Variants in CASK observed in about 807,000 individuals in gnomAD.
The protein encoded by CASK is peripheral plasma membrane protein CASK.
Under a neutral mutation model 82.9 loss-of-function variants are expected in CASK, and 4 were observed. The observed-to-expected ratio is 0.05, with a 90% CI of 0.02 to 0.11. The LOEUF is 0.11. Among genes scored for constraint, CASK ranks in the 10% least tolerant of loss-of-function variants. The probability of loss-of-function intolerance (pLI) is 1.00; values close to 1 mark genes in which losing one functional copy is unlikely to be tolerated. For missense variants in CASK, 358 were observed against 720.9 expected (o/e 0.50, Z 5.76); for synonymous variants, 259 against 253.5 (o/e 1.02, Z -0.20).
intron 2 of CASK, chrX:41,790,300 C>G: frequency 4.2e-6 from 2 of 473,976 alleles, no homozygotes; most frequent in Non-Finnish European, 6.1e-6. Flanking sequence ...CTCCTGACCT[C>G]AAGTGATCCA....
At chrX:41,694,657 T>C (rs2067643445) in intron 5 of CASK, among the ~76,000 whole-genome samples, 1 of 111,882 alleles carries the variant, frequency 8.9e-6, no homozygotes, top group Non-Finnish European at 1.9e-5. Flanking sequence ...GCTTCTAGGT[T>C]AGGAGTGGCT....
At chrX:41,623,312 G>A (rs933394816) in intron 10 of CASK, among the ~76,000 whole-genome samples, 3 of 112,096 alleles carry the variant, frequency 2.7e-5, no homozygotes. Context: ...GTTTTACATC[G>A]TAAACAATAT....
intron 1 of CASK, among the ~76,000 whole-genome samples, chrX:41,877,807 C>T (rs1234350210): frequency 9.0e-6 from 1 of 110,933 alleles, no homozygotes; most frequent in African/African-American, 3.3e-5. Flanking sequence ...AAGAATTTTT[C>T]CTTCTTCCCA....
chrX:41,859,094 T>C (rs1167349058), intron 1 of CASK, among the ~76,000 whole-genome samples: 1 of 111,629 alleles, frequency 9.0e-6, no homozygotes, highest in Admixed American at 9.5e-5. Flanking sequence ...CAAAAACACA[T>C]CATGTCTCAG....
intron 1 of CASK, among the ~76,000 whole-genome samples, chrX:41,906,021 A>G (rs529178219): frequency 9.2e-4 from 104 of 112,614 alleles, no homozygotes; most frequent in African/African-American, 3.2e-3. Flanking sequence ...CATATACTAT[A>G]CAATTCTATG....
chrX:41,530,867 C>T (rs767006434), intron 25 of CASK, 140 bp downstream of exon 25: 98 of 553,054 alleles, frequency 1.8e-4, no homozygotes, highest in Non-Finnish European at 2.7e-4. Flanking sequence ...GAACCCCCAA[C>T]GCCTCCATTA....
At chrX:41,787,895 C>T (rs2069645006) in intron 2 of CASK, among the ~76,000 whole-genome samples, 1 of 110,819 alleles carries the variant, frequency 9.0e-6, no homozygotes, top group African/African-American at 3.3e-5. Flanking sequence ...GTGGCTCGCA[C>T]CTGTAATCTC....
intron 3 of CASK, among the ~76,000 whole-genome samples, chrX:41,776,159 T>C (rs1489386577): frequency 1.8e-5 from 2 of 112,622 alleles, no homozygotes; most frequent in Non-Finnish European, 3.8e-5. Flanking sequence ...GTATGTGTTA[T>C]ACTTTTATAT....
chrX:41,591,692 G>T (rs57612130), intron 12 of CASK, among the ~76,000 whole-genome samples: 5 of 110,066 alleles, frequency 4.5e-5, no homozygotes, highest in Non-Finnish European at 9.5e-5. Context: ...GGCCAGGCTG[G>T]TCTCTAATTC....
intron 2 of CASK, among the ~76,000 whole-genome samples, chrX:41,851,394 A>G (rs1473551454): frequency 8.9e-6 from 1 of 111,828 alleles, no homozygotes; most frequent in African/African-American, 3.2e-5. Context: ...ACAGGACTTA[A>G]TACCAGGTAT....
At position 41,531,125 on chromosome X, in the gene CASK, G is replaced by A; in HGVS notation, c.2402C>T (p.Ser801Phe). 1 of 1,207,713 alleles carries A rather than the reference G, an allele frequency of 8.3e-7. No homozygotes were observed. The highest frequency in any genetic ancestry group is 1.1e-6 in the Non-Finnish European group (1 of 891,649). ...GCCGTACTCCAAGTACTCGTTATTAGAGATGTCTTGCATCATTTGGTCATG... is the reference window on the plus strand; with the variant it reads ...GCCGTACTCCAAGTACTCGTTATTAAAGATGTCTTGCATCATTTGGTCATG... ...VSHDQMMQDI[S>F]NNEYLEYGSH... The change falls in exon 25 of 27, where the codon TCT becomes TTT. Residue 801 changes from serine (S) to phenylalanine (F), a missense_variant. Physicochemically the swap from Ser to Phe is radical, Grantham distance 155. Transcript: ENST00000378163.
intron 1 of CASK, among the ~76,000 whole-genome samples, chrX:41,855,462 A>G (rs1156229607): frequency 6.3e-5 from 7 of 111,708 alleles, no homozygotes; most frequent in African/African-American, 2.3e-4. Flanking sequence ...TTAACCCATT[A>G]ACTGGAAACT....
At chrX:41,845,433 T>C (rs753008894) in intron 2 of CASK, among the ~76,000 whole-genome samples, 24 of 112,193 alleles carry the variant, frequency 2.1e-4, no homozygotes, top group Non-Finnish European at 4.1e-4. Context: ...TGTTATAAAA[T>C]GTCCTTCTTT....
chrX:41,853,581 T>C (rs1282751859), intron 1 of CASK, among the ~76,000 whole-genome samples: 3 of 111,645 alleles, frequency 2.7e-5, no homozygotes, highest in African/African-American at 6.5e-5. Flanking sequence ...GTGAAGTCCA[T>C]AGTAATGGTG....
chrX:41,727,194 C>A (rs747164169), intron 5 of CASK: 1 of 1,204,243 alleles, frequency 8.3e-7, no homozygotes, highest in Non-Finnish European at 1.1e-6. Flanking sequence ...ACCTGTCACA[C>A]CTTGTGACTG....
chrX:41,903,571 A>G (rs1209223902), intron 1 of CASK, among the ~76,000 whole-genome samples: 2 of 112,265 alleles, frequency 1.8e-5, no homozygotes, highest in Non-Finnish European at 3.8e-5. Flanking sequence ...TAAAATGAAA[A>G]TCATGTTGAG....
chrX:41,575,550 A>T (rs1425730241), intron 15 of CASK, among the ~76,000 whole-genome samples: 2 of 111,072 alleles, frequency 1.8e-5, no homozygotes, highest in Non-Finnish European at 3.8e-5. Flanking sequence ...AAAAAAAATT[A>T]TGAGTATGAT....
chrX:41,701,093 C>T (rs1405938702), intron 5 of CASK, among the ~76,000 whole-genome samples: 1 of 109,711 alleles, frequency 9.1e-6, no homozygotes, highest in African/African-American at 3.3e-5. Flanking sequence ...CAAAAAGCAT[C>T]AGGAAGGAAG....
chrX:41,600,436 T>C (rs1332038904), intron 12 of CASK, among the ~76,000 whole-genome samples: 1 of 112,429 alleles, frequency 8.9e-6, no homozygotes, highest in Admixed American at 9.4e-5. Context: ...CCTCCTTTCC[T>C]TGAGCATAGC....
Sources: allele counts gnomAD v4.1 joint callset (sites outside exome capture counted in the v4.1 genomes callset), GRCh38; gene constraint gnomAD v4.1.1; transcripts MANE v1.5; gene names NCBI Gene and HGNC (gene_info 2026-07-23, HGNC 2026-07-21).